TMC7: variants seen among roughly 807,000 people sequenced by gnomAD.
TMC7 encodes the protein transmembrane channel like 7, also known as transmembrane channel-like protein 7.
Under a neutral mutation model 82.9 loss-of-function variants are expected in TMC7, and 54 were observed. The ratio of observed to expected loss-of-function variants is 0.65; its 90% CI spans 0.52 to 0.82. TMC7 has a LOEUF of 0.82. Among genes scored for constraint, TMC7 ranks in the 40% least tolerant of loss-of-function variants. The probability of loss-of-function intolerance (pLI) is 0.00; values close to 1 mark genes in which losing one functional copy is unlikely to be tolerated. For synonymous variants in TMC7, 350 were observed against 337.9 expected (o/e 1.04, Z -0.39); for missense variants, 820 against 901.2 (o/e 0.91, Z 1.15).
intron 1 of TMC7, among the ~76,000 whole-genome samples, chr16:18,987,375 A>G (rs1251830478): frequency 5.3e-5 from 8 of 151,866 alleles, no homozygotes; most frequent in Non-Finnish European, 1.2e-4. Flanking sequence ...CAGTAGCGCG[A>G]TCTCGGCTCA....
At chr16:19,055,641 T>C (rs1031978013) in intron 13 of TMC7, among the ~76,000 whole-genome samples, 1 of 152,112 alleles carries the variant, frequency 6.6e-6, no homozygotes, top group Non-Finnish European at 1.5e-5. Context: ...TACAGATTTG[T>C]TTTTAAAATA....
intron 13 of TMC7, among the ~76,000 whole-genome samples, chr16:19,053,865 T>TA (rs1367676365): frequency 7.6e-6 from 1 of 131,760 alleles, no homozygotes; most frequent in East Asian, 2.0e-4. Flanking sequence ...TTTTTTTTTT[T>TA]AAAGATGCGA....
At chr16:19,004,944 C>G (rs2039209978) in intron 1 of TMC7, among the ~76,000 whole-genome samples, 1 of 151,774 alleles carries the variant, frequency 6.6e-6, no homozygotes, top group Admixed American at 6.6e-5. Flanking sequence ...CTCAAGCAAT[C>G]CTCCTGCTTT....
chr16:18,990,198 A>G (rs915007504), intron 1 of TMC7, among the ~76,000 whole-genome samples: 7 of 151,998 alleles, frequency 4.6e-5, no homozygotes, highest in African/African-American at 1.7e-4. Context: ...ATCAGTTAGG[A>G]TGGGGCAGAA....
intron 2 of TMC7, among the ~76,000 whole-genome samples, chr16:19,011,295 G>T (rs183219252): frequency 6.6e-6 from 1 of 151,998 alleles, no homozygotes; most frequent in Non-Finnish European, 1.5e-5. Context: ...ATAATTTTCC[G>T]ATTGACCTGG....
chr16:19,000,825 T>A (rs1171839430), intron 1 of TMC7, among the ~76,000 whole-genome samples: 1 of 152,092 alleles, frequency 6.6e-6, no homozygotes, highest in African/African-American at 2.4e-5. Context: ...TTGAGACCAG[T>A]CTGGGCAATA....
chr16:19,045,223 G>T, intron 10 of TMC7, 118 bp from the exon 11 acceptor site: 1 of 901,048 alleles, frequency 1.1e-6, no homozygotes, highest in Non-Finnish European at 1.8e-6. Flanking sequence ...ATCAGCTGAT[G>T]CCCTCACTGG....
At chr16:19,018,384 A>G (rs988765252) in intron 3 of TMC7, among the ~76,000 whole-genome samples, 1 of 152,198 alleles carries the variant, frequency 6.6e-6, no homozygotes, top group African/African-American at 2.4e-5. Flanking sequence ...AGGCTCGAAC[A>G]GGCCTTCTTG....
chr16:19,027,896 A>ATGAAAAATACAGAATTTATAGAG (rs1297872486), intron 5 of TMC7, among the ~76,000 whole-genome samples: 4 of 152,160 alleles, frequency 2.6e-5, no homozygotes, highest in African/African-American at 9.7e-5. Context: ...CACAGTTGTC[A>ATGAAAAATACAGAATTTATAGAG]TGAAAAATAC....
intron 12 of TMC7, among the ~76,000 whole-genome samples, chr16:19,048,464 C>T (rs1961387140): frequency 6.6e-6 from 1 of 151,894 alleles, no homozygotes. Context: ...TCTTGTTGCC[C>T]AGGTTGGAGT....
At position 19,023,165 on chromosome 16, in the gene TMC7, C is replaced by A. The variant is rs1312134948; in HGVS notation, c.681C>A (p.Tyr227Ter). 6.2e-7 allele frequency: 1 copy of A among 1,608,174 alleles called. No individual in the cohort carries two copies. The highest frequency in any genetic ancestry group is 1.7e-5 in the Admixed American group (1 of 59,862). The change falls in exon 5 of 16, where the codon TAC becomes TAA. Residue 227 changes from tyrosine to a stop codon, truncating the protein, a stop_gained. Transcript: ENST00000304381. LOFTEE classifies it high-confidence loss of function. ...PVSSSGLIYFYSYIIDLLSGT... is the reference protein window; with the variant it reads ...PVSSSGLIYF Reference sequence around the variant, plus strand: ...GCAGTTCTGGACTCATTTACTTTTACAGTTATATCATAGACTTGCTTTCTG... The same window carrying A: ...GCAGTTCTGGACTCATTTACTTTTAAAGTTATATCATAGACTTGCTTTCTG...
At chr16:19,045,086 G>A (rs901489325) in intron 10 of TMC7, 85 bp downstream of exon 10, 12 of 1,109,828 alleles carry the variant, frequency 1.1e-5, no homozygotes, top group Non-Finnish European at 1.6e-5. Flanking sequence ...TTGAAGCCAT[G>A]GGTTTGAACT....
chr16:19,042,925 T>A (rs1961088234), intron 9 of TMC7, among the ~76,000 whole-genome samples: 1 of 151,928 alleles, frequency 6.6e-6, no homozygotes, highest in Non-Finnish European at 1.5e-5. Context: ...TTTTTGTACT[T>A]TTAGTAGAGA....
In TMC7 at chr16:19,062,573, C is replaced by A. The variant is rs1248432910; in HGVS notation, c.*730C>A. ...CCCAGGAGGTGGAGTTTGCAGTGAG[C>A]TGAGATCACACCATTGCACTCCAGC... On this transcript the variant is annotated 3_prime_UTR_variant, in exon 16 of 16. Coordinates refer to ENST00000304381, the MANE Select transcript of TMC7 (RefSeq NM_024847.4). The A allele has an allele frequency of 2.0e-5, 3 of 152,550 alleles. No homozygotes were observed. The highest frequency in any genetic ancestry group is 4.4e-5 in the Non-Finnish European group (3 of 68,066). 9.4% of individuals were successfully genotyped at this position (152,550 alleles called of 1,614,324 possible).
rs2039236754 is a variant in TMC7 at position 19,006,172 on chromosome 16, C to T, written c.68-3000C>T. On this transcript the variant is annotated intron_variant, in intron 1 of 15. Coordinates refer to ENST00000304381, the MANE Select transcript of TMC7 (RefSeq NM_024847.4). Reference sequence around the variant, plus strand: ...ACAGGCTGTGTAGCAAGTCCTGACCCCAGCCTTGCCCTTGCAGCCTCCAGG... The same window carrying T: ...ACAGGCTGTGTAGCAAGTCCTGACCTCAGCCTTGCCCTTGCAGCCTCCAGG... Among the ~76,000 whole-genome samples the T allele has an allele frequency of 3.3e-5, 5 of 152,142 alleles. No homozygotes were observed. In the South Asian group the frequency reaches 1.0e-3, roughly 32 times the overall value.
At chr16:19,009,459 G>T in intron 2 of TMC7, 44 bp downstream of exon 2, 1 of 1,573,608 alleles carries the variant, frequency 6.4e-7, no homozygotes. Flanking sequence ...GTATGTTATG[G>T]CCCAGAGGTA....
Position 18,984,379 on chromosome 16 carries a change from G to A in TMC7, c.67+249G>A, listed in dbSNP as rs766424976. On this transcript the variant is annotated intron_variant, in intron 1 of 15. Transcript: ENST00000304381. ...GGACACGAGAACTGCAGTCTGGACC[G>A]TGGTGGGTTTGTCTTCCAGCTGTTG... 4 of 1,271,522 alleles carry A rather than the reference G, an allele frequency of 3.1e-6. No homozygotes were observed. The Admixed American group carries it at 1.3e-4, about 41-fold the overall frequency. The allele number at this position is 1,271,522 out of a possible 1,614,324, so 78.8% of individuals were successfully genotyped here.
chr16:18,995,182 G>A (rs1332439050), intron 1 of TMC7, among the ~76,000 whole-genome samples: 3 of 152,154 alleles, frequency 2.0e-5, no homozygotes, highest in Non-Finnish European at 4.4e-5. Context: ...CACCAGAGTT[G>A]GGGAGTTTTA....
At chr16:19,021,887 A>C in intron 4 of TMC7, 91 bp downstream of exon 4, 2 of 1,450,578 alleles carry the variant, frequency 1.4e-6, no homozygotes, top group Non-Finnish European at 1.9e-6. Flanking sequence ...TCTTTATTCT[A>C]ATTCTTGGGC....
Sources: allele counts gnomAD v4.1 joint callset (sites outside exome capture counted in the v4.1 genomes callset), GRCh38; gene constraint gnomAD v4.1.1; transcripts MANE v1.5; gene names NCBI Gene and HGNC (gene_info 2026-07-23, HGNC 2026-07-21).